Variants in FBN1 observed in about 807,000 individuals in gnomAD.
The protein encoded by FBN1 is fibrillin 1, also known as fibrillin-1.
In FBN1, 29 loss-of-function variants were observed where a neutral mutation model predicts 365.1. The ratio of observed to expected loss-of-function variants is 0.08; its 90% CI spans 0.06 to 0.11. FBN1 has a LOEUF of 0.11. FBN1 is among the 10% of genes least tolerant of loss of function. FBN1 has a pLI of 1.00. For missense variants in FBN1, 2,476 were observed against 3,703.2 expected (o/e 0.67, Z 8.60); for synonymous variants, 1,210 against 1,270.5 (o/e 0.95, Z 1.01).
intron 8 of FBN1, chr15:48,529,084 G>A (rs1334622872): frequency 6.6e-6 from 1 of 152,192 alleles, no homozygotes; most frequent in Non-Finnish European, 1.5e-5. Flanking sequence ...TTTGAGAACG[G>A]TCACTTTCTC....
At chr15:48,437,252 TAAG>T in intron 52 of FBN1, 67 bp downstream of exon 52, 2 of 1,449,032 alleles carry the variant, frequency 1.4e-6, no homozygotes, top group Admixed American at 3.5e-5. Flanking sequence ...TGGAGAAAAA[TAAG>T]AATAACTAGA....
intron 12 of FBN1, 23 bp downstream of exon 12, chr15:48,515,364 C>T: frequency 6.2e-7 from 1 of 1,613,446 alleles, no homozygotes; most frequent in South Asian, 1.1e-5. Flanking sequence ...ACCCTTGGTG[C>T]CAACCTAGGA....
In FBN1 at chr15:48,480,892, A is replaced by T. The variant is rs190579479; in HGVS notation, c.3964+763T>A. On this transcript the variant is annotated intron_variant, in intron 32 of 65. Transcript: ENST00000316623. Reference sequence around the variant, plus strand: ...TGCCATAATCTGTCAAATTAATATAAGTAACTAGAGTAAAACTTTATTATA... The same window carrying T: ...TGCCATAATCTGTCAAATTAATATATGTAACTAGAGTAAAACTTTATTATA... 6.5e-4 allele frequency among the ~76,000 whole-genome samples: 99 copies of T among 152,322 alleles called. 1 individual carries two copies. Among genetic ancestry groups the T allele is most frequent in the Non-Finnish European group, 7.9e-4 (54 of 67,994 alleles).
rs563973570 is a variant in FBN1, at chr15:48,427,805, TC to T, written c.6998-33del. On this transcript the variant is annotated intron_variant, in intron 57 of 65. Transcript: ENST00000316623. ...GGGACATTATATGGCAAAGGGGATG[TC>T]AGGAAATTTTAAGAGCAAACAAAAT... 1,392 of 1,599,060 alleles carry T rather than the reference TC, an allele frequency of 8.7e-4. 2 individuals carry two copies. Among genetic ancestry groups the T allele is most frequent in the South Asian group, 2.2e-3 (195 of 90,312 alleles).
chr15:48,533,863 CTT>C (rs1251004863), intron 8 of FBN1, among the ~76,000 whole-genome samples: 2 of 152,146 alleles, frequency 1.3e-5, no homozygotes, highest in African/African-American at 4.8e-5. Flanking sequence ...AGATGGACCT[CTT>C]GTTTTGGGTC....
intron 17 of FBN1, among the ~76,000 whole-genome samples, chr15:48,501,969 T>C (rs886767268): frequency 6.6e-6 from 1 of 152,200 alleles, no homozygotes; most frequent in Non-Finnish European, 1.5e-5. Flanking sequence ...TTCTATATTA[T>C]TCACCGGGTG....
chr15:48,424,415 G>T (rs9630422), intron 60 of FBN1, among the ~76,000 whole-genome samples: 133 of 152,228 alleles, frequency 8.7e-4, no homozygotes, highest in African/African-American at 3.1e-3. Context: ...TGGATCCTCC[G>T]TGGGGATGTG....
At chr15:48,577,025 T>A (rs763490938) in intron 6 of FBN1, among the ~76,000 whole-genome samples, 8 of 152,218 alleles carry the variant, frequency 5.3e-5, no homozygotes, top group Non-Finnish European at 1.2e-4. Flanking sequence ...CCAATAGCAA[T>A]TCTTTTAGAA....
intron 2 of FBN1, among the ~76,000 whole-genome samples, chr15:48,633,034 C>T (rs1242662448): frequency 6.6e-6 from 1 of 152,224 alleles, no homozygotes; most frequent in African/African-American, 2.4e-5. Context: ...CATTTGCCTA[C>T]ATCTCCTCAG....
Position 48,644,775 on chromosome 15 carries a change from C to A in FBN1, c.-6G>T, listed in dbSNP as rs1890264028. 2 of 1,605,048 alleles carry A rather than the reference C, an allele frequency of 1.2e-6. No individual in the cohort carries two copies. The highest frequency in any genetic ancestry group is 1.7e-6 in the Non-Finnish European group (2 of 1,179,074). On this transcript the variant is annotated 5_prime_UTR_variant, in exon 2 of 66. Coordinates refer to ENST00000316623, the MANE Select transcript of FBN1 (RefSeq NM_000138.5). ...AGCAGACGCCCTCGACGCATGATGC[C>A]GAGCCGCCACCGGCTCCCGCCGCCT... is the stretch of plus-strand genomic sequence containing the variant.
intron 2 of FBN1, among the ~76,000 whole-genome samples, chr15:48,614,451 C>A (rs1889611708): frequency 6.6e-6 from 1 of 152,224 alleles, no homozygotes; most frequent in African/African-American, 2.4e-5. Context: ...CTCACTACTT[C>A]AACATCATGC....
At chr15:48,506,530 C>T (rs1018889469) in intron 15 of FBN1, among the ~76,000 whole-genome samples, 9 of 152,292 alleles carry the variant, frequency 5.9e-5, no homozygotes, top group Admixed American at 5.9e-4. Context: ...GAGACTACAA[C>T]CTGAAAGGTA....
chr15:48,519,248 T>C (rs1319460409), intron 10 of FBN1, among the ~76,000 whole-genome samples: 1 of 152,246 alleles, frequency 6.6e-6, no homozygotes, highest in Non-Finnish European at 1.5e-5. Context: ...TATGTATTAG[T>C]ATTTTAATTG....
chr15:48,420,079 G>A (rs186820992), intron 63 of FBN1, among the ~76,000 whole-genome samples: 163 of 152,310 alleles, frequency 1.1e-3, no homozygotes, highest in African/African-American at 3.7e-3. Context: ...ATTCTCTGAT[G>A]TGCATTAAGA....
At chr15:48,412,361 A>G (rs1445774163) in intron 65 of FBN1, among the ~76,000 whole-genome samples, 2 of 152,124 alleles carry the variant, frequency 1.3e-5, no homozygotes, top group African/African-American at 4.8e-5. Context: ...GTATGTGAAA[A>G]CCTTCAAATG....
At chr15:48,478,856 A>G (rs1190240436) in intron 32 of FBN1, among the ~76,000 whole-genome samples, 1 of 152,204 alleles carries the variant, frequency 6.6e-6, no homozygotes, top group Non-Finnish European at 1.5e-5. Context: ...AAACATGTTT[A>G]TTTGTTAAAA....
Position 48,474,387 on chromosome 15 carries a change from A to G in FBN1, c.4088-10T>C. 6.2e-7 allele frequency: 1 copy of G among 1,614,156 alleles called. No individual in the cohort carries two copies. Among genetic ancestry groups the G allele is most frequent in the South Asian group, 1.1e-5 (1 of 91,080 alleles). On this transcript the variant is annotated splice_polypyrimidine_tract_variant and intron_variant, in intron 33 of 65. Transcript: ENST00000316623. ...GAACATTCGTCCAGATCTTATAGAA[A>G]AAGGTTATATCATTATTAACAGAAA...
At chr15:48,633,514 C>T (rs1215176820) in intron 2 of FBN1, among the ~76,000 whole-genome samples, 1 of 152,058 alleles carries the variant, frequency 6.6e-6, no homozygotes, top group African/African-American at 2.4e-5. Flanking sequence ...GACTATTTCT[C>T]TTTTTCCAAC....
At chr15:48,513,135 C>T (rs552575928) in intron 13 of FBN1, among the ~76,000 whole-genome samples, 50 of 152,276 alleles carry the variant, frequency 3.3e-4, no homozygotes, top group African/African-American at 1.2e-3. Flanking sequence ...GCTGACCACA[C>T]TAAAAAGCAG....
Sources: allele counts gnomAD v4.1 joint callset (sites outside exome capture counted in the v4.1 genomes callset), GRCh38; gene constraint gnomAD v4.1.1; transcripts MANE v1.5; gene names NCBI Gene and HGNC (gene_info 2026-07-23, HGNC 2026-07-21).